SAXO5: variants seen among roughly 807,000 people sequenced by gnomAD.
SAXO5 encodes stabilizer of axonemal microtubules 5.
the SAXO5 span, chr19:7,505,617 C>G: frequency 6.2e-7 from 1 of 1,614,098 alleles, no homozygotes; most frequent in Non-Finnish European, 8.5e-7. Context: ...TGCAGTACTT[C>G]TACGGCCAGG....
chr19:7,506,403 AC>A, the SAXO5 span: 2 of 507,716 alleles, frequency 3.9e-6, 1 homozygote, highest in Middle Eastern at 1.1e-3. Context: ...ATTGACCAGA[AC>A]CCCAACTCTG....
At chr19:7,503,597 G>A in the SAXO5 span, among the ~76,000 whole-genome samples, 52 of 151,720 alleles carry the variant, frequency 3.4e-4, 2 homozygotes, top group East Asian at 9.6e-3. Context: ...TTATTCTCCT[G>A]TCTCAGTCTC....
the SAXO5 span, chr19:7,504,293 A>T: frequency 1.2e-6 from 2 of 1,613,890 alleles, no homozygotes; most frequent in Admixed American, 1.7e-5. Flanking sequence ...GGGCCTTCCT[A>T]TCCCTGTCTG....
chr19:7,500,928 G>T, the SAXO5 span: 4 of 1,583,546 alleles, frequency 2.5e-6, no homozygotes, highest in East Asian at 2.3e-5. Flanking sequence ...GCGGCTGCAC[G>T]AGGGCACCAT....
the SAXO5 span, chr19:7,506,112 A>T: frequency 6.2e-7 from 1 of 1,613,128 alleles, no homozygotes; most frequent in Non-Finnish European, 8.5e-7. Flanking sequence ...AGACAGGTGC[A>T]GAAAGCGCCC....
the SAXO5 span, chr19:7,504,151 C>A: frequency 6.2e-7 from 1 of 1,613,808 alleles, no homozygotes; most frequent in South Asian, 1.1e-5. Context: ...TGGGACTACA[C>A]GAGACAAGAT....
At chr19:7,500,824 T>G in the SAXO5 span, 1 of 1,477,306 alleles carries the variant, frequency 6.8e-7, no homozygotes, top group Non-Finnish European at 9.0e-7. Flanking sequence ...TGTCCCGCGA[T>G]GGCCACAGGC....
the SAXO5 span, chr19:7,500,968 A>G: frequency 6.4e-7 from 1 of 1,552,154 alleles, no homozygotes; most frequent in African/African-American, 1.4e-5. Context: ...GACTTTGCCT[A>G]CCCGGCTGCC....
chr19:7,502,740 C>A, the SAXO5 span, among the ~76,000 whole-genome samples: 1 of 152,156 alleles, frequency 6.6e-6, no homozygotes, highest in African/African-American at 2.4e-5. Flanking sequence ...GGGAGTTAAC[C>A]TCTCCAAGCC....
At chr19:7,505,517 A>G in the SAXO5 span, 1 of 1,614,172 alleles carries the variant, frequency 6.2e-7, no homozygotes, top group Non-Finnish European at 8.5e-7. Context: ...CTTCTGGCAG[A>G]GCCTTTTGTT....
the SAXO5 span, chr19:7,501,322 T>A: frequency 6.4e-7 from 1 of 1,571,902 alleles, no homozygotes; most frequent in Non-Finnish European, 8.6e-7. Context: ...AAGTTGCGCA[T>A]CCCGCCCACC....
At chr19:7,504,926 TTCTGGGGG>T in the SAXO5 span, among the ~76,000 whole-genome samples, 1 of 151,762 alleles carries the variant, frequency 6.6e-6, no homozygotes, top group East Asian at 1.9e-4. Flanking sequence ...CCCTCCCTCT[TTCTGGGGG>T]TTGCAAGGCC....
chr19:7,498,183 A>G, the SAXO5 span, among the ~76,000 whole-genome samples: 1 of 147,800 alleles, frequency 6.8e-6, no homozygotes, highest in African/African-American at 2.5e-5. Context: ...ACACACACAC[A>G]CACACACACA....
the SAXO5 span, chr19:7,504,205 C>G: frequency 2.8e-3 from 4,533 of 1,614,176 alleles, 94 homozygotes; most frequent in East Asian, 0.053. Context: ...CCAGGCCCAC[C>G]TGCCTTGAGG....
the SAXO5 span, among the ~76,000 whole-genome samples, chr19:7,498,330 C>G: frequency 6.6e-6 from 1 of 151,992 alleles, no homozygotes; most frequent in South Asian, 2.1e-4. Context: ...CCCGCCTCAG[C>G]CTTCTGAGTA....
chr19:7,498,840 T>G, the SAXO5 span: 1 of 152,468 alleles, frequency 6.6e-6, no homozygotes, highest in Non-Finnish European at 1.5e-5. Context: ...ACACTTGTGA[T>G]CTAAGCAAAG....
At chr19:7,498,170 TACACACACACAC>T in the SAXO5 span, among the ~76,000 whole-genome samples, 1,459 of 142,506 alleles carry the variant, frequency 0.01, 13 homozygotes, top group Non-Finnish European at 0.017. Context: ...CACACACACA[TACACACACACAC>T]ACACACACAC....
the SAXO5 span, among the ~76,000 whole-genome samples, chr19:7,507,748 C>G: frequency 6.6e-6 from 1 of 152,090 alleles, no homozygotes; most frequent in Non-Finnish European, 1.5e-5. Context: ...AGGGACACCC[C>G]TGGTTTCTCT....
At chr19:7,501,282 C>T in the SAXO5 span, 1 of 1,573,926 alleles carries the variant, frequency 6.4e-7, no homozygotes, top group Non-Finnish European at 8.5e-7. Flanking sequence ...CATCTTCGAC[C>T]GCGACTCCCT....
Sources: allele counts gnomAD v4.1 joint callset (sites outside exome capture counted in the v4.1 genomes callset), GRCh38; gene constraint gnomAD v4.1.1; transcripts MANE v1.5; gene names NCBI Gene and HGNC (gene_info 2026-07-23, HGNC 2026-07-21).